UBE2N: variants seen among roughly 807,000 people sequenced by gnomAD.
The protein encoded by UBE2N is ubiquitin-conjugating enzyme E2 N.
For missense variants in UBE2N, 60 were observed against 192.1 expected (o/e 0.31, Z 4.07); for synonymous variants, 70 against 69.2 (o/e 1.01, Z -0.06).
intron 1 of UBE2N, among the ~76,000 whole-genome samples, chr12:93,417,485 A>T (rs1878255465): frequency 6.6e-6 from 1 of 152,240 alleles, no homozygotes; most frequent in South Asian, 2.1e-4. Flanking sequence ...AATAAACAGT[A>T]TTCTTAGAAA....
chr12:93,425,751 T>G (rs1471701742), intron 1 of UBE2N, among the ~76,000 whole-genome samples: 1 of 152,228 alleles, frequency 6.6e-6, no homozygotes, highest in Non-Finnish European at 1.5e-5. Context: ...TTACAAACTA[T>G]TTCACACGTC....
Position 93,408,703 on chromosome 12 carries a change from C to T in UBE2N, c.*1336G>A, listed in dbSNP as rs1354246049. The T allele has an allele frequency of 6.6e-6, 1 of 152,116 alleles. No homozygotes were observed. The highest frequency in any genetic ancestry group is 1.5e-5 in the Non-Finnish European group (1 of 68,008). The allele number at this position is 152,116 out of a possible 1,614,324, so 9.4% of individuals were successfully genotyped here. A position where few individuals can be genotyped will look rare whatever the true frequency, so the allele number is the denominator to read the frequency against. ...ATTCCAAATTAAAGAATAAAACGAG[C>T]TCCCACAGCAAATACTGGAGGGATG... On this transcript the variant is annotated 3_prime_UTR_variant, in exon 4 of 4. Transcript: ENST00000318066.
At chr12:93,435,430 G>A (rs1031700744) in intron 1 of UBE2N, among the ~76,000 whole-genome samples, 2 of 151,938 alleles carry the variant, frequency 1.3e-5, no homozygotes, top group African/African-American at 4.8e-5. Context: ...CCGAGATCAC[G>A]CCATTGCACT....
Position 93,410,738 on chromosome 12 carries a change from T to C in UBE2N, c.414A>G (p.Glu138=). The change falls in exon 3 of 4, where the codon GAA becomes GAG. Residue 138 remains glutamate (E), a synonymous_variant. Coordinates refer to ENST00000318066, the MANE Select transcript of UBE2N (RefSeq NM_003348.4). ...QWKTNEAQAI[E]TARAWTRLYA... Reference sequence around the variant, plus strand: ...AGGAGAATGAATATTAGATACCTGTTTCTATGGCTTGGGCTTCGTTGGTCT... The same window carrying C: ...AGGAGAATGAATATTAGATACCTGTCTCTATGGCTTGGGCTTCGTTGGTCT... The C allele has an allele frequency of 6.2e-7, 1 of 1,614,184 alleles. No homozygotes were observed. The highest frequency in any genetic ancestry group is 8.5e-7 in the Non-Finnish European group (1 of 1,180,016).
intron 1 of UBE2N, among the ~76,000 whole-genome samples, chr12:93,436,378 A>G (rs771831637): frequency 2.6e-5 from 4 of 152,246 alleles, no homozygotes; most frequent in African/African-American, 4.8e-5. Context: ...TACTGAGATT[A>G]TAGGCATGAG....
rs745567390 is a variant in UBE2N, at chr12:93,441,897, C to T, written c.-13G>A. On this transcript the variant is annotated 5_prime_UTR_variant, in exon 1 of 4. Coordinates refer to ENST00000318066, the MANE Select transcript of UBE2N (RefSeq NM_003348.4). The stretch of plus-strand genomic sequence containing the variant: ...GCAGCCCGGCCATCTTGTCAGAACC[C>T]GAGTTCGGCCTCTGGTCTCGTCTCC... 52 of 1,575,186 alleles carry T rather than the reference C, an allele frequency of 3.3e-5. No individual in the cohort carries two copies. The highest frequency in any genetic ancestry group is 1.7e-4 in the Middle Eastern group (1 of 5,976).
chr12:93,438,541 C>A (rs1879005200), intron 1 of UBE2N, among the ~76,000 whole-genome samples: 1 of 151,652 alleles, frequency 6.6e-6, no homozygotes, highest in African/African-American at 2.4e-5. Context: ...CAGAAGTAGG[C>A]ATCCCAAATG....
Position 93,411,192 on chromosome 12 carries a change from G to A in UBE2N, c.138C>T (p.Pro46=). 6.2e-7 allele frequency: 1 copy of A among 1,614,220 alleles called. No individual in the cohort carries two copies. The highest frequency in any genetic ancestry group is 8.5e-7 in the Non-Finnish European group (1 of 1,180,034). ...HVVIAGPQDS[P]FEGGTFKLEL... is the part of the protein sequence containing the mutation. ...CAAGTTTAAAAGTCCCTCCCTCAAA[G>A]GGGGAATCCTGAGGGCCAGCAATGA... Residue 46 remains proline, a synonymous_variant, in exon 2 of 4, where the codon CCC becomes CCT. Coordinates refer to ENST00000318066, the MANE Select transcript of UBE2N (RefSeq NM_003348.4).
In UBE2N at chr12:93,414,317, C is replaced by T. The variant is rs144758877; in HGVS notation, c.31-3018G>A. Among the ~76,000 whole-genome samples, 457 of 152,038 alleles carry T rather than the reference C, an allele frequency of 3.0e-3. 4 individuals carry two copies. Among genetic ancestry groups the T allele is most frequent in the African/African-American group, 0.01 (432 of 41,462 alleles). On this transcript the variant is annotated intron_variant, in intron 1 of 3. Coordinates refer to ENST00000318066, the MANE Select transcript of UBE2N (RefSeq NM_003348.4). ...ATATAAAATTAGCTAGGCATGGTGG[C>T]GCATGCCTGTAATCCCAGCTACTTG...
chr12:93,428,779 T>C (rs565933977), intron 1 of UBE2N, among the ~76,000 whole-genome samples: 8 of 152,314 alleles, frequency 5.3e-5, no homozygotes, highest in African/African-American at 1.2e-4. Context: ...AAATAGCCCA[T>C]AGATTCTTGT....
At chr12:93,436,217 T>A (rs1878930837) in intron 1 of UBE2N, among the ~76,000 whole-genome samples, 1 of 152,178 alleles carries the variant, frequency 6.6e-6, no homozygotes, top group African/African-American at 2.4e-5. Context: ...TCCTCCCACC[T>A]GTCTCCTGAG....
rs184408482 is a variant in UBE2N, at chr12:93,413,262, C to T, written c.31-1963G>A. On this transcript the variant is annotated intron_variant, in intron 1 of 3. Coordinates refer to ENST00000318066, the MANE Select transcript of UBE2N (RefSeq NM_003348.4). ...CTATAAACATTCTCATGGCTCTCTT[C>T]CTCCTTGTCTGGCAGCAGCTTCCTT... Among the ~76,000 whole-genome samples the T allele has an allele frequency of 3.9e-4, 60 of 152,296 alleles. No homozygotes were observed. In the South Asian group the frequency reaches 6.4e-3, roughly 16 times the overall value.
intron 1 of UBE2N, among the ~76,000 whole-genome samples, chr12:93,426,941 T>TC (rs1351270581): frequency 2.7e-5 from 4 of 149,848 alleles, no homozygotes; most frequent in African/African-American, 1.0e-4. Flanking sequence ...AGACAATTCT[T>TC]TTTTTTTTTC....
intron 1 of UBE2N, among the ~76,000 whole-genome samples, chr12:93,425,877 A>C (rs749593886): frequency 6.6e-6 from 1 of 152,256 alleles, no homozygotes; most frequent in Non-Finnish European, 1.5e-5. Context: ...AGGCAGCTTC[A>C]ACAATCTAAT....
rs1348706162 is a variant in UBE2N at position 93,407,818 on chromosome 12, C to CGACTT, written c.*2220_*2221insAAGTC. ...TGGCCTCTCCCAGAGCCCCTTAAGT[C>CGACTT]CTAAGAAGGCTCAGTCAACACACTG... On this transcript the variant is annotated 3_prime_UTR_variant, in exon 4 of 4. Transcript: ENST00000318066. 3 of 152,316 alleles carry CGACTT rather than the reference C, an allele frequency of 2.0e-5. No homozygotes were observed. In the East Asian group the frequency reaches 5.8e-4, roughly 29 times the overall value. The allele number at this position is 152,316 out of a possible 1,614,324, so 9.4% of individuals were successfully genotyped here.
intron 1 of UBE2N, among the ~76,000 whole-genome samples, chr12:93,431,520 C>G (rs971704256): frequency 3.9e-5 from 6 of 152,130 alleles, no homozygotes; most frequent in Non-Finnish European, 8.8e-5. Flanking sequence ...CATCATAAAA[C>G]TGCAATTAGA....
At chr12:93,422,420 T>C (rs755090321) in intron 1 of UBE2N, among the ~76,000 whole-genome samples, 1 of 152,266 alleles carries the variant, frequency 6.6e-6, no homozygotes, top group Non-Finnish European at 1.5e-5. Flanking sequence ...TGTCTCAGAA[T>C]GCTGAATGAA....
In UBE2N at chr12:93,441,904, G is replaced by C. The variant is rs779751450; in HGVS notation, c.-20C>G. The C allele has an allele frequency of 1.9e-6, 3 of 1,573,336 alleles. No homozygotes were observed. The highest frequency in any genetic ancestry group is 2.8e-5 in the African/African-American group (2 of 70,954). On this transcript the variant is annotated 5_prime_UTR_variant, in exon 1 of 4. Transcript: ENST00000318066. ...GGCCATCTTGTCAGAACCCGAGTTC[G>C]GCCTCTGGTCTCGTCTCCGGCTCCT...
intron 1 of UBE2N, among the ~76,000 whole-genome samples, chr12:93,430,611 T>A (rs189408778): frequency 2.9e-3 from 444 of 151,782 alleles, no homozygotes; most frequent in Non-Finnish European, 5.2e-3. Flanking sequence ...AGACTTCTGA[T>A]TAAAAAAAAC....
Sources: gnomAD v4.1 joint callset for allele counts (sites outside exome capture counted in the v4.1 genomes callset) on GRCh38, gnomAD v4.1.1 for gene constraint, MANE v1.5 for transcripts, NCBI Gene and HGNC (gene_info 2026-07-23, HGNC 2026-07-21) for gene names.